RAD51B: variants seen among roughly 807,000 people sequenced by gnomAD.
RAD51B encodes DNA repair protein RAD51 homolog 2.
In RAD51B, 38 loss-of-function variants were observed where a neutral mutation model predicts 42.2. The observed-to-expected ratio is 0.90, with a 90% CI of 0.70 to 1.18. RAD51B has a LOEUF of 1.18. Among genes scored for constraint, RAD51B ranks in the 50% most tolerant of loss-of-function variants. The probability of loss-of-function intolerance (pLI) is 0.00; values close to 1 mark genes in which losing one functional copy is unlikely to be tolerated. For synonymous variants in RAD51B, 154 were observed against 145.2 expected (o/e 1.06, Z -0.43); for missense variants, 373 against 400.7 (o/e 0.93, Z 0.59).
intron 7 of RAD51B, among the ~76,000 whole-genome samples, chr14:68,288,483 C>T (rs1040881719): frequency 2.6e-5 from 4 of 152,208 alleles, no homozygotes; most frequent in African/African-American, 4.8e-5. Context: ...TCTACTCTTT[C>T]ACCAGAAGTG....
chr14:67,976,494 A>T (rs541107272), intron 7 of RAD51B, among the ~76,000 whole-genome samples: 1 of 151,688 alleles, frequency 6.6e-6, no homozygotes, highest in South Asian at 2.1e-4. Context: ...AAGTTTTAGG[A>T]TACATGTGCA....
chr14:68,371,051 A>AAAAAAAAAAAAAAAAAAAAAAAAAAATT (rs2083248938), intron 8 of RAD51B, among the ~76,000 whole-genome samples: 1 of 105,426 alleles, frequency 9.5e-6, no homozygotes, highest in Non-Finnish European at 1.9e-5. Context: ...AAAAAAAAAA[A>AAAAAAAAAAAAAAAAAAAAAAAAAAATT]AAAAGAAAAA....
At chr14:68,598,989 A>G (rs1322287789), downstream of RAD51B, among the ~76,000 whole-genome samples, 2 of 152,214 alleles carry the variant, frequency 1.3e-5, no homozygotes, top group Non-Finnish European at 2.9e-5. Context: ...CCAGCAGGGC[A>G]GAGGAAGCTG....
At chr14:68,359,675 C>G (rs1594723170) in intron 8 of RAD51B, among the ~76,000 whole-genome samples, 1 of 152,278 alleles carries the variant, frequency 6.6e-6, no homozygotes, top group East Asian at 1.9e-4. Context: ...CTCCTCTTGG[C>G]TACCTCAAAG....
chr14:67,902,078 G>A (rs920409574), intron 7 of RAD51B, among the ~76,000 whole-genome samples: 4 of 151,976 alleles, frequency 2.6e-5, no homozygotes, highest in Admixed American at 2.0e-4. Context: ...GAAAATAGGA[G>A]TTTAAGTACC....
chr14:67,931,014 G>A (rs1476276963), intron 7 of RAD51B, among the ~76,000 whole-genome samples: 3 of 151,416 alleles, frequency 2.0e-5, no homozygotes, highest in African/African-American at 7.3e-5. Context: ...TCCGCCGCCT[G>A]CATTCATGCC....
intron 7 of RAD51B, among the ~76,000 whole-genome samples, chr14:68,187,525 C>T (rs1482265929): frequency 6.6e-6 from 1 of 152,152 alleles, no homozygotes; most frequent in East Asian, 1.9e-4. Flanking sequence ...ATCAAGAGAT[C>T]TCATTTAAAT....
rs190435652 is a variant in RAD51B, at chr14:68,630,679, G to A, written c.1037-20102G>A. On this transcript the variant is annotated intron_variant, in intron 10 of 11. Transcript: ENST00000488612. ...CCCCTGAGCTTCAGAGGGTGGGATC[G>A]TTCCAGACAACCTTCGGCCGGTAAC... Among the ~76,000 whole-genome samples, 30 of 152,180 alleles carry A rather than the reference G, an allele frequency of 2.0e-4. No homozygotes were observed. In the East Asian group the frequency reaches 2.9e-3, roughly 15 times the overall value.
chr14:68,583,369 G>A (rs1890301080), intron 10 of RAD51B, among the ~76,000 whole-genome samples: 1 of 152,196 alleles, frequency 6.6e-6, no homozygotes, highest in Non-Finnish European at 1.5e-5. Context: ...AGGAAATAGA[G>A]ACTCCCCCAC....
chr14:68,180,555 T>G (rs1181031172), intron 7 of RAD51B, among the ~76,000 whole-genome samples: 1 of 152,136 alleles, frequency 6.6e-6, no homozygotes, highest in African/African-American at 2.4e-5. Flanking sequence ...ACTTACAACT[T>G]TATGAGCAGC....
chr14:68,646,801 T>C (rs940985278), intron 10 of RAD51B, among the ~76,000 whole-genome samples: 4 of 152,238 alleles, frequency 2.6e-5, no homozygotes, highest in African/African-American at 9.6e-5. Flanking sequence ...TCTAATTTGC[T>C]TCAGCTATAT....
chr14:67,827,745 T>C (rs2040882133), intron 3 of RAD51B, among the ~76,000 whole-genome samples: 1 of 152,184 alleles, frequency 6.6e-6, no homozygotes, highest in Non-Finnish European at 1.5e-5. Context: ...CAGTTTTTGG[T>C]TTTCTGTTCT....
rs8021341 is a variant in RAD51B at position 68,441,219 on chromosome 14, G to T, written c.958-26953G>T. On this transcript the variant is annotated intron_variant, in intron 9 of 10. Transcript: ENST00000471583. ...CACAGCACCAGAAATAACATGAGAAGACCATAATTTTTTAATTATTTCAGA... is the reference window on the plus strand; with the variant it reads ...CACAGCACCAGAAATAACATGAGAATACCATAATTTTTTAATTATTTCAGA... Among the ~76,000 whole-genome samples, 1,266 of 152,176 alleles carry T rather than the reference G, an allele frequency of 8.3e-3. 20 individuals carry two copies. Among genetic ancestry groups the T allele is most frequent in the African/African-American group, 0.025 (1,033 of 41,522 alleles).
At chr14:68,099,992 G>A (rs2077261923) in intron 7 of RAD51B, among the ~76,000 whole-genome samples, 2 of 152,196 alleles carry the variant, frequency 1.3e-5, no homozygotes, top group South Asian at 2.1e-4. Context: ...TATGAGAGGA[G>A]TATGGGGTGA....
At chr14:68,440,248 A>C (rs1047010494) in intron 9 of RAD51B, among the ~76,000 whole-genome samples, 1 of 152,262 alleles carries the variant, frequency 6.6e-6, no homozygotes, top group Non-Finnish European at 1.5e-5. Context: ...ATCCAACTGC[A>C]GAATACATAT....
chr14:68,450,457 G>C (rs1033191180), intron 9 of RAD51B, among the ~76,000 whole-genome samples: 2 of 152,126 alleles, frequency 1.3e-5, no homozygotes, highest in African/African-American at 4.8e-5. Context: ...GACCTCAGGT[G>C]ATCCACCCGC....
chr14:68,361,598 A>C (rs537085985), intron 8 of RAD51B, among the ~76,000 whole-genome samples: 31 of 152,182 alleles, frequency 2.0e-4, no homozygotes, highest in African/African-American at 7.0e-4. Flanking sequence ...GTAAGGATGG[A>C]GAAAGGGGAG....
intron 7 of RAD51B, among the ~76,000 whole-genome samples, chr14:68,071,058 G>T (rs900108949): frequency 6.6e-6 from 1 of 151,926 alleles, no homozygotes; most frequent in African/African-American, 2.4e-5. Flanking sequence ...GAATGGGATT[G>T]CTTTCTTGAT....
At chr14:68,227,195 G>C (rs761969863) in intron 7 of RAD51B, among the ~76,000 whole-genome samples, 2 of 152,154 alleles carry the variant, frequency 1.3e-5, no homozygotes, top group Non-Finnish European at 2.9e-5. Context: ...TTCTGGCTTT[G>C]CCTAAGAAGG....
Sources: gnomAD v4.1 joint callset for allele counts (sites outside exome capture counted in the v4.1 genomes callset) on GRCh38, gnomAD v4.1.1 for gene constraint, MANE v1.5 for transcripts, NCBI Gene and HGNC (gene_info 2026-07-23, HGNC 2026-07-21) for gene names.